The following GBP7 variants were observed in gnomAD, a reference collection of about 807,000 sequenced individuals.
GBP7 encodes the protein guanylate-binding protein 7.
In GBP7, 43 loss-of-function variants were observed where a neutral mutation model predicts 61.3. That is an observed-to-expected ratio of 0.70 (90% CI 0.55 to 0.91). The LOEUF is 0.91. GBP7 is among the 40% of genes least tolerant of loss of function. The pLI is 0.00. For synonymous variants in GBP7, 267 were observed against 271.0 expected (o/e 0.99, Z 0.14); for missense variants, 717 against 740.5 (o/e 0.97, Z 0.37).
At chr1:89,175,841 G>A (rs1647723721) in intron 1 of GBP7, 80 bp downstream of exon 1, 1 of 152,220 alleles carries the variant, frequency 6.6e-6, no homozygotes, top group African/African-American at 2.4e-5. Flanking sequence ...CTCAGCTGCA[G>A]CCTATCTTGG....
chr1:89,163,963 G>A (rs970674188), intron 3 of GBP7, among the ~76,000 whole-genome samples: 8 of 151,748 alleles, frequency 5.3e-5, no homozygotes, highest in East Asian at 1.9e-4. Flanking sequence ...TCCACTTCCC[G>A]GGTCCAAGCG....
chr1:89,150,053 T>C (rs1682156880), intron 6 of GBP7, among the ~76,000 whole-genome samples: 1 of 152,206 alleles, frequency 6.6e-6, no homozygotes, highest in African/African-American at 2.4e-5. Context: ...AGGTAACATG[T>C]TCATGAAGCC....
intron 10 of GBP7, 43 bp downstream of exon 10, chr1:89,133,215 T>G (rs774927436): frequency 3.4e-6 from 5 of 1,491,872 alleles, no homozygotes; most frequent in Non-Finnish European, 4.6e-6. Context: ...AATGAGGAAC[T>G]GGCATTGTGC....
chr1:89,156,378 T>G (rs536495931), intron 3 of GBP7, among the ~76,000 whole-genome samples: 1 of 152,302 alleles, frequency 6.6e-6, no homozygotes, highest in South Asian at 2.1e-4. Context: ...GTAAATGGGC[T>G]AAATGCTCCA....
chr1:89,152,521 T>A (rs1305057735), intron 4 of GBP7, 57 bp from the exon 5 acceptor site: 1 of 1,561,570 alleles, frequency 6.4e-7, no homozygotes, highest in East Asian at 2.2e-5. Flanking sequence ...ACATCTCACT[T>A]AGAAACAAGT....
At chr1:89,163,861 T>G (rs28532277) in intron 3 of GBP7, among the ~76,000 whole-genome samples, 1 of 151,902 alleles carries the variant, frequency 6.6e-6, no homozygotes, top group Non-Finnish European at 1.5e-5. Flanking sequence ...TTTTTTTGTT[T>G]TTTGTTTGTT....
intron 3 of GBP7, among the ~76,000 whole-genome samples, chr1:89,156,096 C>T (rs1050525092): frequency 1.1e-4 from 17 of 152,150 alleles, no homozygotes; most frequent in South Asian, 8.3e-4. Flanking sequence ...TCATATCCAG[C>T]CAAACTAAGC....
At chr1:89,144,356 T>G (rs1255947841) in intron 8 of GBP7, among the ~76,000 whole-genome samples, 1 of 152,180 alleles carries the variant, frequency 6.6e-6, no homozygotes, top group Non-Finnish European at 1.5e-5. Flanking sequence ...GGGTGTCTTT[T>G]TGGTAGAATG....
chr1:89,141,216 A>G (rs1012438585), intron 9 of GBP7, among the ~76,000 whole-genome samples: 1 of 152,118 alleles, frequency 6.6e-6, no homozygotes, highest in Non-Finnish European at 1.5e-5. Context: ...AAAGAAAAAA[A>G]AAAAAAGAAA....
At chr1:89,138,560 A>ACACACCT (rs1403211394) in intron 9 of GBP7, among the ~76,000 whole-genome samples, 78 of 152,268 alleles carry the variant, frequency 5.1e-4, no homozygotes, top group Non-Finnish European at 3.2e-4. Context: ...TGGTAAAGCT[A>ACACACCT]ACAAAAAAAG....
intron 9 of GBP7, among the ~76,000 whole-genome samples, chr1:89,137,529 A>G (rs940312475): frequency 3.3e-5 from 5 of 152,118 alleles, no homozygotes; most frequent in Non-Finnish European, 5.9e-5. Context: ...GATTCCTCAC[A>G]CAAACGGGAC....
At chr1:89,137,843 A>G (rs1681842276) in intron 9 of GBP7, among the ~76,000 whole-genome samples, 1 of 152,124 alleles carries the variant, frequency 6.6e-6, no homozygotes, top group African/African-American at 2.4e-5. Flanking sequence ...TCCAATAGGA[A>G]GAGAGGAAGT....
intron 10 of GBP7, 99 bp downstream of exon 10, chr1:89,133,159 T>TATA: frequency 1.2e-6 from 1 of 810,358 alleles, no homozygotes; most frequent in South Asian, 1.7e-5. Context: ...TCTTTTGTGT[T>TATA]TCCTTCTGAA....
intron 8 of GBP7, among the ~76,000 whole-genome samples, chr1:89,145,431 A>G (rs1682042738): frequency 6.6e-6 from 1 of 152,126 alleles, no homozygotes. Context: ...ATATTTACAT[A>G]TAGATATGCA....
intron 9 of GBP7, among the ~76,000 whole-genome samples, chr1:89,137,944 C>G (rs1029944152): frequency 1.3e-5 from 2 of 152,078 alleles, no homozygotes; most frequent in Non-Finnish European, 2.9e-5. Context: ...TAAACATCAG[C>G]AAAGTTTCAG....
At chr1:89,160,089 T>C (rs1570357618) in intron 3 of GBP7, among the ~76,000 whole-genome samples, 1 of 152,144 alleles carries the variant, frequency 6.6e-6, no homozygotes, top group South Asian at 2.1e-4. Flanking sequence ...AAAACCATCA[T>C]TTTGAGCAAA....
At chr1:89,157,373 A>G (rs1404569003) in intron 3 of GBP7, among the ~76,000 whole-genome samples, 2 of 152,206 alleles carry the variant, frequency 1.3e-5, no homozygotes, top group Non-Finnish European at 2.9e-5. Context: ...GCTGAAGGAG[A>G]TAGAGACACA....
chr1:89,171,508 TATTTA>T (rs1285551873), intron 2 of GBP7, among the ~76,000 whole-genome samples: 3 of 151,964 alleles, frequency 2.0e-5, no homozygotes, highest in African/African-American at 7.3e-5. Flanking sequence ...AATGCATTAT[TATTTA>T]ATTTTTTTAT....
At chr1:89,175,185 A>T (rs1308566698) in intron 1 of GBP7, among the ~76,000 whole-genome samples, 1 of 152,222 alleles carries the variant, frequency 6.6e-6, no homozygotes, top group Non-Finnish European at 1.5e-5. Context: ...ATCCTATAAT[A>T]AAGAGTGGTT....
Sources: gnomAD v4.1 joint callset for allele counts (sites outside exome capture counted in the v4.1 genomes callset) on GRCh38, gnomAD v4.1.1 for gene constraint, MANE v1.5 for transcripts, NCBI Gene and HGNC (gene_info 2026-07-23, HGNC 2026-07-21) for gene names.